Variants in CA10 observed in about 807,000 individuals in gnomAD.
CA10 encodes the protein carbonic anhydrase-related protein 10.
CA10 carries 14 observed loss-of-function variants against 44.2 expected under a neutral mutation model. That is an observed-to-expected ratio of 0.32 (90% CI 0.21 to 0.50). CA10 has a LOEUF of 0.50. CA10 is among the 20% of genes least tolerant of loss of function. CA10 has a pLI of 0.99. For missense variants in CA10, 350 were observed against 409.7 expected (o/e 0.85, Z 1.26); for synonymous variants, 159 against 141.6 (o/e 1.12, Z -0.87).
intron 3 of CA10, among the ~76,000 whole-genome samples, chr17:51,856,674 C>T (rs1979059689): frequency 6.6e-6 from 1 of 152,184 alleles, no homozygotes; most frequent in African/African-American, 2.4e-5. Flanking sequence ...TTCTCACATT[C>T]TCATGGGGCA....
At chr17:52,082,146 A>G (rs1231850954) in intron 1 of CA10, among the ~76,000 whole-genome samples, 1 of 152,226 alleles carries the variant, frequency 6.6e-6, no homozygotes, top group African/African-American at 2.4e-5. Context: ...TGTTTGACAA[A>G]TATTTGCTTA....
chr17:51,960,433 A>T (rs962870597), intron 2 of CA10, among the ~76,000 whole-genome samples: 8 of 152,066 alleles, frequency 5.3e-5, no homozygotes, highest in Admixed American at 3.3e-4. Flanking sequence ...CAAAAAAAAA[A>T]TTTCATGCAA....
At chr17:51,850,972 G>A (rs1240511300) in intron 3 of CA10, among the ~76,000 whole-genome samples, 1 of 152,192 alleles carries the variant, frequency 6.6e-6, no homozygotes, top group Non-Finnish European at 1.5e-5. Flanking sequence ...AGGGCAAGCT[G>A]CCCCTTCTTC....
At chr17:51,953,184 C>G (rs1983546137) in intron 2 of CA10, among the ~76,000 whole-genome samples, 1 of 152,092 alleles carries the variant, frequency 6.6e-6, no homozygotes, top group South Asian at 2.1e-4. Flanking sequence ...AATATTTGCT[C>G]CATCAGGAGT....
chr17:51,736,618 C>T (rs1346920663), intron 4 of CA10, among the ~76,000 whole-genome samples: 2 of 152,166 alleles, frequency 1.3e-5, no homozygotes, highest in African/African-American at 4.8e-5. Flanking sequence ...ATTTCTAGCT[C>T]AGCAAATAGA....
chr17:52,063,004 G>A (rs921195728), intron 2 of CA10, among the ~76,000 whole-genome samples: 1 of 152,250 alleles, frequency 6.6e-6, no homozygotes, highest in African/African-American at 2.4e-5. Context: ...AACTGTGGGG[G>A]CAGGGCTTTC....
At chr17:51,860,057 A>G (rs1390867067) in intron 3 of CA10, among the ~76,000 whole-genome samples, 1 of 152,132 alleles carries the variant, frequency 6.6e-6, no homozygotes, top group Admixed American at 6.5e-5. Context: ...CTTATTCCTG[A>G]TTTATTAGAA....
At chr17:52,065,525 A>G (rs1987512843) in intron 2 of CA10, among the ~76,000 whole-genome samples, 1 of 152,050 alleles carries the variant, frequency 6.6e-6, no homozygotes, top group Admixed American at 6.6e-5. Flanking sequence ...AAGGTCCCTA[A>G]CTCTAGAAGC....
At chr17:52,089,891 TAC>T (rs1385980418) in intron 1 of CA10, among the ~76,000 whole-genome samples, 20 of 152,126 alleles carry the variant, frequency 1.3e-4, no homozygotes, top group Non-Finnish European at 2.8e-4. Context: ...TTGGAAAGGA[TAC>T]ACAGATTACT....
chr17:51,861,986 A>G (rs1424930546), intron 3 of CA10, among the ~76,000 whole-genome samples: 1 of 152,206 alleles, frequency 6.6e-6, no homozygotes, highest in Non-Finnish European at 1.5e-5. Flanking sequence ...CATATGGTCC[A>G]CTATATACAA....
chr17:52,144,362 A>G (rs1251325109), intron 1 of CA10, among the ~76,000 whole-genome samples: 5 of 152,206 alleles, frequency 3.3e-5, no homozygotes, highest in Non-Finnish European at 7.3e-5. Flanking sequence ...ATAATAAGCA[A>G]ATTCCTGAGC....
At chr17:51,828,796 G>A (rs1482693765) in intron 3 of CA10, among the ~76,000 whole-genome samples, 3 of 152,142 alleles carry the variant, frequency 2.0e-5, no homozygotes, top group Admixed American at 2.0e-4. Context: ...ATCTTTCAAA[G>A]ATTTACTGGT....
At chr17:51,783,188 A>G (rs1487086994) in intron 3 of CA10, among the ~76,000 whole-genome samples, 4 of 152,172 alleles carry the variant, frequency 2.6e-5, no homozygotes, top group African/African-American at 9.7e-5. Context: ...AGGGACAATG[A>G]TAAGCAGGGT....
At chr17:51,861,934 T>G (rs1487509410) in intron 3 of CA10, among the ~76,000 whole-genome samples, 1 of 152,222 alleles carries the variant, frequency 6.6e-6, no homozygotes, top group African/African-American at 2.4e-5. Flanking sequence ...TAATGGATTC[T>G]GTAAGGCTAG....
chr17:51,651,712 T>C (rs1954405113), intron 5 of CA10, among the ~76,000 whole-genome samples: 2 of 152,242 alleles, frequency 1.3e-5, no homozygotes, highest in African/African-American at 2.4e-5. Context: ...CTCTGTCAGC[T>C]GTCATGTGCC....
chr17:52,089,342 G>A (rs1988201647), intron 1 of CA10, among the ~76,000 whole-genome samples: 1 of 152,172 alleles, frequency 6.6e-6, no homozygotes, highest in Non-Finnish European at 1.5e-5. Flanking sequence ...GCTGGCATTA[G>A]GTCTTGGACT....
intron 3 of CA10, among the ~76,000 whole-genome samples, chr17:51,757,449 T>C (rs1230408108): frequency 6.6e-6 from 1 of 152,128 alleles, no homozygotes; most frequent in Non-Finnish European, 1.5e-5. Context: ...AGTGGTTGAG[T>C]GAGTTGTCCA....
intron 1 of CA10, chr17:52,135,032 C>T (rs1209140241): frequency 3.9e-6 from 2 of 511,040 alleles, no homozygotes; most frequent in East Asian, 5.6e-5. Flanking sequence ...AGCCTCCTGA[C>T]TGCCCTCCTG....
At chr17:51,814,203 AAATT>A in intron 3 of CA10, among the ~76,000 whole-genome samples, 1 of 152,310 alleles carries the variant, frequency 6.6e-6, no homozygotes, top group South Asian at 2.1e-4. Flanking sequence ...TATTAGTATT[AAATT>A]ATTAATAAAT....
Sources: gnomAD v4.1 joint callset for allele counts (sites outside exome capture counted in the v4.1 genomes callset) on GRCh38, gnomAD v4.1.1 for gene constraint, MANE v1.5 for transcripts, NCBI Gene and HGNC (gene_info 2026-07-23, HGNC 2026-07-21) for gene names.